Variants in SIAH3 observed in about 807,000 individuals in gnomAD.
SIAH3 encodes the protein siah E3 ubiquitin protein ligase family member 3.
In SIAH3, 9 loss-of-function variants were observed where a neutral mutation model predicts 12.6. That is an observed-to-expected ratio of 0.72 (90% confidence interval 0.43 to 1.25). The LOEUF (loss-of-function observed/expected upper bound fraction) is 1.25. Among genes scored for constraint, SIAH3 ranks in the 50% most tolerant of loss-of-function variants. The probability of loss-of-function intolerance (pLI) is 0.00; values close to 1 mark genes in which losing one functional copy is unlikely to be tolerated. For missense variants in SIAH3, 390 were observed against 365.4 expected, an observed-to-expected ratio of 1.07 and a Z score of -0.55; for synonymous variants, 154 against 151.1, an observed-to-expected ratio of 1.02 and a Z score of -0.14.
intron 1 of SIAH3, among the ~76,000 whole-genome samples, chr13:45,831,402 C>T (rs1593386425): frequency 6.6e-6 from 1 of 151,840 alleles, no homozygotes; most frequent in South Asian, 2.1e-4. Context: ...GGGGGTCATG[C>T]GCAAATTGAT....
chr13:45,780,895 C>G lies in SIAH3; in HGVS notation c.*2488G>C, dbSNP rs976128958. On this transcript the variant is annotated 3_prime_UTR_variant, in exon 2 of 2. Coordinates refer to ENST00000400405, the MANE Select transcript of SIAH3 (RefSeq NM_198849.3). The stretch of plus-strand genomic sequence containing the variant: ...CTCAAATCAAAGAGCCCTTCAGGAA[C>G]TGTGAAGCTCAAATACAAACTGCTG... 1 of 152,208 alleles carries G rather than the reference C, an allele frequency of 6.6e-6. No homozygotes were observed. The highest frequency in any genetic ancestry group is 1.5e-5 in the Non-Finnish European group (1 of 68,042). The allele number at this position is 152,208 out of a possible 1,614,324, so 9.4% of individuals were successfully genotyped here. A position where few individuals can be genotyped will look rare whatever the true frequency, so the allele number is the denominator to read the frequency against.
intron 1 of SIAH3, among the ~76,000 whole-genome samples, chr13:45,847,622 C>CGTGTGTGTGTGTGTGT (rs112078778): frequency 0.03 from 4,342 of 146,856 alleles, 98 homozygotes; most frequent in Middle Eastern, 0.052. Flanking sequence ...TCCATGTGTT[C>CGTGTGTGTGTGTGTGT]GTGTGTGTGT....
intron 1 of SIAH3, among the ~76,000 whole-genome samples, chr13:45,805,063 A>G (rs144247986): frequency 6.6e-6 from 1 of 151,984 alleles, no homozygotes; most frequent in Non-Finnish European, 1.5e-5. Context: ...TACAAGGAGA[A>G]CTACAAAACA....
intron 1 of SIAH3, among the ~76,000 whole-genome samples, chr13:45,830,038 G>A (rs561248616): frequency 1.3e-5 from 2 of 152,306 alleles, no homozygotes; most frequent in East Asian, 1.9e-4. Context: ...CCAATAGGCT[G>A]TTAAATGCAG....
chr13:45,844,438 C>A (rs1293620107), intron 1 of SIAH3, among the ~76,000 whole-genome samples: 1 of 152,144 alleles, frequency 6.6e-6, no homozygotes, highest in South Asian at 2.1e-4. Context: ...AGCTCACCAG[C>A]CTTTGGACTC....
chr13:45,784,088 G>A lies in SIAH3; in HGVS notation c.136-31C>T, dbSNP rs372976399. 3.7e-5 allele frequency: 57 copies of A among 1,535,004 alleles called. No individual in the cohort carries two copies. The African/African-American group carries it at 7.2e-4, about 19-fold the overall frequency. ...AGGAAAGAGAAGAACGTCAGTGCGG[G>A]GATGAGGCCCACTCTCCCAGGCCGC... is the stretch of plus-strand genomic sequence containing the variant. On this transcript the variant is annotated intron_variant, in intron 1 of 1. Transcript: ENST00000400405.
chr13:45,837,984 T>C (rs1950724845), intron 1 of SIAH3, among the ~76,000 whole-genome samples: 1 of 152,234 alleles, frequency 6.6e-6, no homozygotes, highest in Non-Finnish European at 1.5e-5. Flanking sequence ...TTTCATTCTC[T>C]ATTTTATGTC....
chr13:45,799,509 C>A (rs750596210), intron 1 of SIAH3, among the ~76,000 whole-genome samples: 2 of 152,180 alleles, frequency 1.3e-5, no homozygotes, highest in East Asian at 1.9e-4. Flanking sequence ...ACATCACATG[C>A]CTCATCTCAC....
intron 1 of SIAH3, among the ~76,000 whole-genome samples, chr13:45,829,215 CA>C (rs950668360): frequency 6.6e-6 from 1 of 152,098 alleles, no homozygotes; most frequent in Non-Finnish European, 1.5e-5. Flanking sequence ...TGACTGACTC[CA>C]AAAACTGCTT....
intron 1 of SIAH3, among the ~76,000 whole-genome samples, chr13:45,821,255 C>A (rs9567580): frequency 0.11 from 16,061 of 152,206 alleles, 1,251 homozygotes; most frequent in African/African-American, 0.21. Flanking sequence ...CATCTACAAG[C>A]CATGGAATGC....
At chr13:45,840,781 G>C (rs1950737256) in intron 1 of SIAH3, among the ~76,000 whole-genome samples, 2 of 152,212 alleles carry the variant, frequency 1.3e-5, no homozygotes, top group African/African-American at 2.4e-5. Flanking sequence ...AAGCATGTCG[G>C]CTCAGTTGTT....
Position 45,783,088 on chromosome 13 carries a change from G to A in SIAH3, c.*295C>T. 1 of 189,746 alleles carries A rather than the reference G, an allele frequency of 5.3e-6. No homozygotes were observed. The highest frequency in any genetic ancestry group is 1.1e-5 in the Non-Finnish European group (1 of 93,550). The allele number at this position is 189,746 out of a possible 1,614,324, so 11.8% of individuals were successfully genotyped here. ...ACTAGCGGAGAAAGGACTTGGAGGT[G>A]ACAGGAAAAAACTATTCTGAATAAA... On this transcript the variant is annotated 3_prime_UTR_variant, in exon 2 of 2. Coordinates refer to ENST00000400405, the MANE Select transcript of SIAH3 (RefSeq NM_198849.3).
intron 1 of SIAH3, among the ~76,000 whole-genome samples, chr13:45,812,659 A>G (rs867707793): frequency 9.2e-5 from 14 of 152,154 alleles, no homozygotes; most frequent in African/African-American, 3.1e-4. Flanking sequence ...GCATAAATAT[A>G]TAACACACAC....
chr13:45,834,320 CA>C (rs1303904853), intron 1 of SIAH3, among the ~76,000 whole-genome samples: 4 of 152,178 alleles, frequency 2.6e-5, no homozygotes, highest in Non-Finnish European at 5.9e-5. Flanking sequence ...TTATCTCTAC[CA>C]GGGGAAAGAA....
At chr13:45,792,280 G>C (rs1001178466) in intron 1 of SIAH3, among the ~76,000 whole-genome samples, 1 of 152,122 alleles carries the variant, frequency 6.6e-6, no homozygotes, top group Non-Finnish European at 1.5e-5. Context: ...TCAAAGCCCA[G>C]GATGAAGCTG....
intron 1 of SIAH3, among the ~76,000 whole-genome samples, chr13:45,851,197 C>T (rs1213729520): frequency 6.6e-6 from 1 of 152,122 alleles, no homozygotes; most frequent in Non-Finnish European, 1.5e-5. Context: ...CTGTTCCCTC[C>T]ACCACCCTCA....
Position 45,780,297 on chromosome 13 carries a change from TCTCA to T in SIAH3, c.*3082_*3085del, listed in dbSNP as rs1195837995. ...TTTTTTTTTTTCTAAAGAGATAGGG[TCTCA>T]CTCTGTTGCCCAGGCTGGAGTTACA... On this transcript the variant is annotated 3_prime_UTR_variant, in exon 2 of 2. Transcript: ENST00000400405. The T allele has an allele frequency of 4.0e-5, 6 of 150,760 alleles. No homozygotes were observed. Among genetic ancestry groups the T allele is most frequent in the African/African-American group, 1.5e-4 (6 of 40,890 alleles). The allele number at this position is 150,760 out of a possible 1,614,324, so 9.3% of individuals were successfully genotyped here.
chr13:45,816,508 A>G (rs1950635033), intron 1 of SIAH3, among the ~76,000 whole-genome samples: 1 of 152,206 alleles, frequency 6.6e-6, no homozygotes, highest in African/African-American at 2.4e-5. Flanking sequence ...ACAACAGCTG[A>G]GTTATGAACC....
At chr13:45,798,781 G>A (rs1316467359) in intron 1 of SIAH3, among the ~76,000 whole-genome samples, 3 of 152,184 alleles carry the variant, frequency 2.0e-5, no homozygotes, top group Non-Finnish European at 4.4e-5. Context: ...AGGAATTGCT[G>A]TTTGCACAAA....
Sources: allele counts gnomAD v4.1 joint callset (sites outside exome capture counted in the v4.1 genomes callset), GRCh38; gene constraint gnomAD v4.1.1; transcripts MANE v1.5; gene names NCBI Gene and HGNC (gene_info 2026-07-23, HGNC 2026-07-21).